CFAP251: variants seen among roughly 807,000 people sequenced by gnomAD.
CFAP251 encodes cilia- and flagella-associated protein 251.
In CFAP251, 93 loss-of-function variants were observed where a neutral mutation model predicts 126.7. The ratio of observed to expected loss-of-function variants is 0.73; its 90% CI spans 0.62 to 0.87. CFAP251 has a LOEUF of 0.87. Ranked by LOEUF, CFAP251 falls within the 40% of genes least tolerant of loss-of-function variation. The pLI is 0.00. For synonymous variants in CFAP251, 503 were observed against 506.9 expected (o/e 0.99, Z 0.10); for missense variants, 1,287 against 1,389.2 (o/e 0.93, Z 1.17).
chr12:121,957,172 G>A lies in CFAP251; in HGVS notation c.1634G>A (p.Arg545Lys), dbSNP rs1439515404. The A allele has an allele frequency of 6.2e-7, 1 of 1,614,014 alleles. No individual in the cohort carries two copies. Among genetic ancestry groups the A allele is most frequent in the East Asian group, 2.2e-5 (1 of 44,860 alleles). ...WYSHLKLGAIRTLSFSKTPAT... is the reference protein window; with the variant it reads ...WYSHLKLGAIKTLSFSKTPAT... ...AGTCACTTGAAACTGGGCGCCATAA[G>A]AACTCTGTCCTTTTCAAAGACCCCA... The change falls in exon 11 of 22, where the codon AGA becomes AAA. Residue 545 changes from arginine to lysine, a missense_variant. By Grantham distance (26) the Arg-to-Lys change is conservative. Coordinates refer to ENST00000288912, the MANE Select transcript of CFAP251 (RefSeq NM_144668.6).
intron 19 of CFAP251, chr12:121,997,459 T>C (rs768307481): frequency 6.6e-5 from 10 of 151,808 alleles, no homozygotes; most frequent in African/African-American, 1.2e-4. Context: ...CCCTACACTT[T>C]GGGAGGCAGC....
In CFAP251 at chr12:121,934,521, T is replaced by C. The variant is rs192014950; in HGVS notation, c.998+165T>C. On this transcript the variant is annotated intron_variant, in intron 5 of 21. Coordinates refer to ENST00000288912, the MANE Select transcript of CFAP251 (RefSeq NM_144668.6). ...TCACACTAACCTAGCTCACACAAGC[T>C]CAAAGCATAACCCAGATGGCAAATC... Among the ~76,000 whole-genome samples, 19 of 152,294 alleles carry C rather than the reference T, an allele frequency of 1.2e-4. No individual in the cohort carries two copies. In the East Asian group the frequency reaches 2.7e-3, roughly 22 times the overall value.
chr12:121,983,980 C>T (rs1449471911), intron 19 of CFAP251, among the ~76,000 whole-genome samples: 3 of 152,262 alleles, frequency 2.0e-5, no homozygotes, highest in Non-Finnish European at 4.4e-5. Context: ...GAGATGTAGC[C>T]GCTCCCCCTC....
In CFAP251 at chr12:121,974,311, C is replaced by G. The variant is rs1310522492; in HGVS notation, c.2772-933C>G. ...TAAACCTCTTTCTTTTGTAAATTGC[C>G]CAGTCTCGGGTATGTTTTTATCAGC... On this transcript the variant is annotated intron_variant, in intron 17 of 21. Coordinates refer to ENST00000288912, the MANE Select transcript of CFAP251 (RefSeq NM_144668.6). This position sits in a 1 kb window ranked among gnomAD's most constrained non-coding sequence, Gnocchi z 4.6. Among the ~76,000 whole-genome samples the G allele has an allele frequency of 6.6e-6, 1 of 152,082 alleles. No homozygotes were observed. Among genetic ancestry groups the G allele is most frequent in the African/African-American group, 2.4e-5 (1 of 41,392 alleles).
At chr12:121,976,693 GC>G (rs1882467868) in intron 19 of CFAP251, among the ~76,000 whole-genome samples, 1 of 152,130 alleles carries the variant, frequency 6.6e-6, no homozygotes, top group Admixed American at 6.5e-5. Context: ...GATCACTTGA[GC>G]CCAGGAGTTT....
intron 5 of CFAP251, among the ~76,000 whole-genome samples, chr12:121,939,140 T>C (rs1486190893): frequency 1.3e-5 from 2 of 152,210 alleles, no homozygotes; most frequent in Non-Finnish European, 2.9e-5. Context: ...GATATCTTCA[T>C]GTAGCTTGTC....
intron 15 of CFAP251, among the ~76,000 whole-genome samples, chr12:121,965,026 G>T (rs1288005389): frequency 6.6e-6 from 1 of 152,182 alleles, no homozygotes; most frequent in Non-Finnish European, 1.5e-5. Context: ...AAAAGCCCTT[G>T]CATAAAGCAT....
At chr12:121,956,193 C>T (rs1338184650) in intron 10 of CFAP251, among the ~76,000 whole-genome samples, 5 of 152,212 alleles carry the variant, frequency 3.3e-5, no homozygotes, top group Non-Finnish European at 7.3e-5. Flanking sequence ...ATCACACTAA[C>T]AGTAGTGCCT....
At chr12:121,924,951 CTCCCTCTTCTTCCCT>C (rs1275291984) in intron 3 of CFAP251, among the ~76,000 whole-genome samples, 3 of 151,720 alleles carry the variant, frequency 2.0e-5, no homozygotes, top group Non-Finnish European at 4.4e-5. Flanking sequence ...CCCGCTTCCT[CTCCCTCTTCTTCCCT>C]TCCCTCTTCT....
intron 10 of CFAP251, among the ~76,000 whole-genome samples, chr12:121,954,701 G>C (rs899833403): frequency 1.6e-5 from 2 of 121,996 alleles, no homozygotes; most frequent in African/African-American, 5.9e-5. Flanking sequence ...ATTTTGTATA[G>C]CATAAAGTAT....
chr12:121,968,114 G>A lies in CFAP251; in HGVS notation c.2716G>A (p.Ala906Thr), dbSNP rs747181909. ...GGCCGTTTCCTATGATGGCTGCTAC[G>A]CCTTCACTGCGGGAGGGCACGATCG... ...GMAVSYDGCY[A>T]FTAGGHDRSV... Residue 906 changes from alanine (A) to threonine (T), a missense_variant, in exon 17 of 22, where the codon GCC becomes ACC. Ala to Thr is a moderately conservative substitution (Grantham distance 58). Transcript: ENST00000288912. 5.0e-6 allele frequency: 8 copies of A among 1,613,540 alleles called. No homozygotes were observed. The highest frequency in any genetic ancestry group is 4.4e-5 in the South Asian group (4 of 91,026).
At chr12:121,968,302 C>A in intron 17 of CFAP251, 133 bp downstream of exon 17, 1 of 830,116 alleles carries the variant, frequency 1.2e-6, no homozygotes, top group Non-Finnish European at 1.8e-6. Context: ...CAGGTTGCTC[C>A]CCGGTGGCAT....
At chr12:121,971,146 G>C (rs963205122) in intron 17 of CFAP251, among the ~76,000 whole-genome samples, 1 of 152,234 alleles carries the variant, frequency 6.6e-6, no homozygotes. Context: ...GAGCCACATG[G>C]CTAAAAGTGG....
rs2135780977 is a variant in CFAP251 at position 121,957,135 on chromosome 12, G to T, written c.1597G>T (p.Val533Phe). Residue 533 changes from valine to phenylalanine, a missense_variant, in exon 11 of 22, where the codon GTT becomes TTT. Coordinates refer to ENST00000288912, the MANE Select transcript of CFAP251 (RefSeq NM_144668.6). ...GTTCTATGATCACACCCTGTCTATT[G>T]TTAACTGGTACAGTCACTTGAAACT... ...IKFYDHTLSIVNWYSHLKLGA... is the reference protein window; with the variant it reads ...IKFYDHTLSIFNWYSHLKLGA... The T allele has an allele frequency of 6.2e-7, 1 of 1,613,900 alleles. No individual in the cohort carries two copies. Among genetic ancestry groups the T allele is most frequent in the African/African-American group, 1.3e-5 (1 of 75,018 alleles).
At chr12:121,981,992 G>T (rs1593001768) in intron 19 of CFAP251, among the ~76,000 whole-genome samples, 1 of 152,310 alleles carries the variant, frequency 6.6e-6, no homozygotes, top group Middle Eastern at 3.4e-3. Context: ...GTTTAAAAAT[G>T]TCATCTGATA....
chr12:121,921,342 G>C lies in CFAP251; in HGVS notation c.37G>C (p.Gly13Arg), dbSNP rs1880162241. The C allele has an allele frequency of 3.7e-6, 6 of 1,605,516 alleles. No individual in the cohort carries two copies. In the East Asian group the frequency reaches 1.3e-4, roughly 36 times the overall value. Residue 13 changes from glycine (G) to arginine (R), a missense_variant, in exon 2 of 22, where the codon GGA becomes CGA. Physicochemically the swap from Gly to Arg is moderately radical, Grantham distance 125. Transcript: ENST00000288912. ...AGCAGAAGCTCCCCGAGAAGCAACA[G>C]GAGAAAATGGAGAAACAGAAATGAA... Reference protein sequence around the residue: ...DAAEAPREATGENGETEMKEE... With the variant: ...DAAEAPREATRENGETEMKEE...
At position 121,974,368 on chromosome 12, in the gene CFAP251, C is replaced by T. The variant is rs756919094; in HGVS notation, c.2772-876C>T. Among the ~76,000 whole-genome samples the T allele has an allele frequency of 2.0e-5, 3 of 152,106 alleles. No individual in the cohort carries two copies. Among genetic ancestry groups the T allele is most frequent in the Non-Finnish European group, 2.9e-5 (2 of 68,026 alleles). On this transcript the variant is annotated intron_variant, in intron 17 of 21. Transcript: ENST00000288912. This position sits in a 1 kb window ranked among gnomAD's most constrained non-coding sequence, Gnocchi z 4.6. ...AAAACAGACTAGAATACCGTGTCTG[C>T]GTTTATTTATTAATTCTTACAACAA...
intron 19 of CFAP251, among the ~76,000 whole-genome samples, chr12:121,978,255 G>T (rs1251379061): frequency 2.0e-5 from 3 of 150,772 alleles, no homozygotes; most frequent in Admixed American, 1.3e-4. Context: ...TAAGCCGAGC[G>T]TGGTGGCGGG....
intron 19 of CFAP251, among the ~76,000 whole-genome samples, chr12:121,982,797 C>T (rs1219051542): frequency 1.3e-5 from 2 of 152,120 alleles, no homozygotes; most frequent in East Asian, 1.9e-4. Context: ...CAGAGCAACC[C>T]GCTTGTCTCT....
Sources: gnomAD v4.1 joint callset for allele counts (sites outside exome capture counted in the v4.1 genomes callset) on GRCh38, gnomAD v4.1.1 for gene constraint, Gnocchi (gnomAD v3.1) non-coding constraint, MANE v1.5 for transcripts, NCBI Gene and HGNC (gene_info 2026-07-23, HGNC 2026-07-21) for gene names.